The following ZFHX3 variants were observed in gnomAD, a reference collection of about 807,000 sequenced individuals.
The protein encoded by ZFHX3 is zinc finger homeobox protein 3.
A neutral mutation model predicts 279.1 loss-of-function variants in ZFHX3; 42 were observed. The ratio of observed to expected loss-of-function variants is 0.15; its 90% CI spans 0.12 to 0.19. The LOEUF is 0.19. ZFHX3 is among the 10% of genes least tolerant of loss of function. The probability of loss-of-function intolerance (pLI) is 1.00; values close to 1 mark genes in which losing one functional copy is unlikely to be tolerated. For missense variants in ZFHX3, 4,981 were observed against 4,754.0 expected (o/e 1.05, Z -1.40); for synonymous variants, 2,293 against 1,957.8 (o/e 1.17, Z -4.52).
rs552770344 is a variant in ZFHX3 at position 73,862,214 on chromosome 16, G to C, written c.-1608+29437C>G. Reference sequence around the variant, plus strand: ...CAGCTCCCATGGCTGGTCTACTCTGGGGTATGTTTCTAGGTTCCGTCCTGG... The same window carrying C: ...CAGCTCCCATGGCTGGTCTACTCTGCGGTATGTTTCTAGGTTCCGTCCTGG... On this transcript the variant is annotated intron_variant, in intron 1 of 17. Transcript: ENST00000641206. Among the ~76,000 whole-genome samples the C allele has an allele frequency of 5.8e-4, 89 of 152,242 alleles. 1 individual carries two copies. Among genetic ancestry groups the C allele is most frequent in the African/African-American group, 1.8e-3 (74 of 41,546 alleles).
At chr16:73,309,004 A>T (rs551153523) in intron 4 of ZFHX3, among the ~76,000 whole-genome samples, 1 of 152,256 alleles carries the variant, frequency 6.6e-6, no homozygotes, top group Admixed American at 6.5e-5. Context: ...GTTTATATAG[A>T]AAACAAGAAA....
At chr16:73,158,305 T>C (rs1967145682) in intron 5 of ZFHX3, among the ~76,000 whole-genome samples, 1 of 152,110 alleles carries the variant, frequency 6.6e-6, no homozygotes, top group Admixed American at 6.6e-5. Flanking sequence ...TCAAGACAAG[T>C]AATGACAACT....
chr16:73,643,106 TC>T (rs1235981977), intron 2 of ZFHX3, among the ~76,000 whole-genome samples: 14 of 152,242 alleles, frequency 9.2e-5, no homozygotes. Flanking sequence ...ATCTGGAGGC[TC>T]CGTCAGCACC....
intron 3 of ZFHX3, among the ~76,000 whole-genome samples, chr16:73,417,393 T>TTTA (rs2017611471): frequency 1.1e-5 from 1 of 95,200 alleles, no homozygotes; most frequent in African/African-American, 4.0e-5. Flanking sequence ...AATTTTTTCT[T>TTTA]TTCTTTTTTT....
intron 4 of ZFHX3, among the ~76,000 whole-genome samples, chr16:73,309,601 A>G (rs2015274969): frequency 6.6e-6 from 1 of 152,198 alleles, no homozygotes; most frequent in Non-Finnish European, 1.5e-5. Context: ...GATTAGCAGT[A>G]AAGGAAGATA....
chr16:73,000,492 T>C (rs1015781440), intron 1 of ZFHX3, among the ~76,000 whole-genome samples: 1 of 152,152 alleles, frequency 6.6e-6, no homozygotes, highest in South Asian at 2.1e-4. Context: ...AGAGTATCCT[T>C]TAACTGAAGG....
intron 2 of ZFHX3, among the ~76,000 whole-genome samples, chr16:73,613,602 G>C (rs10459862): frequency 0.56 from 84,604 of 151,924 alleles, 26,525 homozygotes; most frequent in East Asian, 0.82. Flanking sequence ...AAAGTTGAAA[G>C]AAATTGCCCT....
intron 2 of ZFHX3, among the ~76,000 whole-genome samples, chr16:73,480,769 G>A (rs919634723): frequency 2.0e-5 from 3 of 152,166 alleles, no homozygotes; most frequent in African/African-American, 4.8e-5. Context: ...GGCCCACATT[G>A]CCAGACACTA....
chr16:73,823,260 G>A (rs1301311817), intron 1 of ZFHX3, among the ~76,000 whole-genome samples: 2 of 152,096 alleles, frequency 1.3e-5, no homozygotes, highest in Admixed American at 6.5e-5. Context: ...AGAAATAGGG[G>A]GAAGGAGTAT....
intron 2 of ZFHX3, among the ~76,000 whole-genome samples, chr16:73,649,584 A>T (rs922300802): frequency 6.6e-6 from 1 of 152,206 alleles, no homozygotes; most frequent in African/African-American, 2.4e-5. Flanking sequence ...TGAGTTTTAT[A>T]TTTTAAAAAA....
intron 3 of ZFHX3, among the ~76,000 whole-genome samples, chr16:73,378,052 A>C (rs1451291296): frequency 7.6e-6 from 1 of 132,100 alleles, no homozygotes. Context: ...AAAAAAAAAA[A>C]AAAAAAAAAA....
At position 72,793,586 on chromosome 16, in the gene ZFHX3, C is replaced by T. The variant is rs140157753; in HGVS notation, c.9096G>A (p.Lys3032=). ...PKTECTLCGI[K]YSARLSVRDH... is the part of the protein sequence containing the mutation. Reference sequence around the variant, plus strand: ...CACGTACAGACAGCCGAGCGCTGTACTTGATGCCACACAAAGTGCACTCTG... The same window carrying T: ...CACGTACAGACAGCCGAGCGCTGTATTTGATGCCACACAAAGTGCACTCTG... The change falls in exon 9 of 10, where the codon AAG becomes AAA. Residue 3032 remains lysine (K), a synonymous_variant. Transcript: ENST00000268489. This position sits in a 1 kb window ranked among gnomAD's most constrained non-coding sequence, Gnocchi z 4.3. 1.9e-6 allele frequency: 3 copies of T among 1,614,206 alleles called. No homozygotes were observed. Among genetic ancestry groups the T allele is most frequent in the Admixed American group, 3.3e-5 (2 of 60,022 alleles).
rs917182647 is a variant in ZFHX3 at position 72,904,366 on chromosome 16, CAAAATAAATAAATAAATAAA to C, written c.3217-14424_3217-14405del. 5.3e-5 allele frequency among the ~76,000 whole-genome samples: 7 copies of C among 132,154 alleles called. No homozygotes were observed. The South Asian group carries it at 1.7e-3, about 31-fold the overall frequency. 86.7% of individuals were successfully genotyped at this position (132,154 alleles called of 152,430 possible). ...CTGGCAACAGAGTGAGATTCTGTCT[CAAAATAAATAAATAAATAAA>C]TAAATAAATAAATAAATAAATAAAT... is the stretch of plus-strand genomic sequence containing the variant. On this transcript the variant is annotated intron_variant, in intron 3 of 9. Transcript: ENST00000268489.
intron 5 of ZFHX3, among the ~76,000 whole-genome samples, chr16:73,225,454 G>A (rs1172927981): frequency 6.6e-6 from 1 of 152,080 alleles, no homozygotes; most frequent in Non-Finnish European, 1.5e-5. Context: ...TGCTGGTATG[G>A]TGGCACACAC....
At chr16:73,584,867 A>G (rs978320637) in intron 2 of ZFHX3, among the ~76,000 whole-genome samples, 1 of 152,222 alleles carries the variant, frequency 6.6e-6, no homozygotes, top group Non-Finnish European at 1.5e-5. Context: ...TCCAGAATCT[A>G]CAATGAACTT....
rs147901655 is a variant in ZFHX3, at chr16:73,582,441, GA to G, written c.-1547+97738del. On this transcript the variant is annotated intron_variant, in intron 2 of 17. Coordinates refer to the ZFHX3 transcript ENST00000641206. ...TTCACAGTTAGGATATAGGAAGACAGAAAAAAAAAATTAAGCCTAAATCTAA... is the reference window on the plus strand; with the variant it reads ...TTCACAGTTAGGATATAGGAAGACAGAAAAAAAAATTAAGCCTAAATCTAA... Among the ~76,000 whole-genome samples, 80 of 149,348 alleles carry G rather than the reference GA, an allele frequency of 5.4e-4. 1 individual carries two copies. The highest frequency in any genetic ancestry group is 9.8e-4 in the East Asian group (5 of 5,106).
intron 2 of ZFHX3, among the ~76,000 whole-genome samples, chr16:73,520,657 T>A (rs143585336): frequency 1.3e-5 from 2 of 152,216 alleles, no homozygotes; most frequent in Admixed American, 6.5e-5. Flanking sequence ...CAAGCATACA[T>A]AGTAGACATA....
At chr16:73,349,632 C>T (rs7498398) in intron 3 of ZFHX3, among the ~76,000 whole-genome samples, 44,665 of 59,772 alleles carry the variant, frequency 0.75, 17,145 homozygotes, top group Non-Finnish European at 0.83. Context: ...CTTCCTCCCT[C>T]CCTCCCTCCC....
At chr16:73,868,173 C>A (rs1409144638) in intron 1 of ZFHX3, among the ~76,000 whole-genome samples, 1 of 152,208 alleles carries the variant, frequency 6.6e-6, no homozygotes, top group Non-Finnish European at 1.5e-5. Flanking sequence ...CGAATACAGA[C>A]AATAGAAAAC....
Sources: allele counts gnomAD v4.1 joint callset (sites outside exome capture counted in the v4.1 genomes callset), GRCh38; gene constraint gnomAD v4.1.1; non-coding constraint Gnocchi (gnomAD v3.1); transcripts MANE v1.5; gene names NCBI Gene and HGNC (gene_info 2026-07-23, HGNC 2026-07-21).